Variants in JAK2 observed in about 807,000 individuals in gnomAD.
JAK2 encodes tyrosine-protein kinase JAK2.
Under a neutral mutation model 139.3 loss-of-function variants are expected in JAK2, and 86 were observed. That is an observed-to-expected ratio of 0.62 (90% CI 0.52 to 0.74). The LOEUF (loss-of-function observed/expected upper bound fraction) is 0.74. Among genes scored for constraint, JAK2 ranks in the 30% least tolerant of loss-of-function variants. The pLI, the probability that JAK2 is intolerant of heterozygous loss-of-function variation, is 0.00. For missense variants in JAK2, 1,421 were observed against 1,360.3 expected (o/e 1.04, Z -0.70); for synonymous variants, 490 against 437.7 (o/e 1.12, Z -1.49).
chr9:5,032,855 G>C (rs2130185710), intron 4 of JAK2, among the ~76,000 whole-genome samples: 1 of 152,286 alleles, frequency 6.6e-6, no homozygotes, highest in Admixed American at 6.5e-5. Context: ...TCCTCCAAAG[G>C]AACGCAGCTC....
At chr9:4,994,640 A>G (rs1485806953) in intron 2 of JAK2, among the ~76,000 whole-genome samples, 1 of 152,242 alleles carries the variant, frequency 6.6e-6, no homozygotes, top group Non-Finnish European at 1.5e-5. Context: ...TATAGACAAT[A>G]CGTAAATGAA....
chr9:5,094,098 A>G (rs1222500592), intron 22 of JAK2: 4 of 152,168 alleles, frequency 2.6e-5, no homozygotes, highest in Non-Finnish European at 1.5e-5. Context: ...CTTCTTAACA[A>G]TATGCCTATA....
intron 4 of JAK2, 69 bp from the exon 5 acceptor site, chr9:5,044,334 C>A (rs1298311047): frequency 5.5e-6 from 5 of 906,980 alleles, no homozygotes; most frequent in Non-Finnish European, 9.1e-6. Flanking sequence ...CTGTAGGTGA[C>A]TATATATAGA....
Position 5,055,687 on chromosome 9 carries a change from G to A in JAK2, c.955G>A (p.Asp319Asn), listed in dbSNP as rs1338813094. Residue 319 changes from aspartate to asparagine, a missense_variant, in exon 8 of 25, where the codon GAT (aspartate) becomes AAT (asparagine). Asp to Asn is a conservative substitution (Grantham distance 23). Transcript: ENST00000381652. ...LTEQDLQLYC[D>N]FPNIIDVSIK... is the part of the protein sequence containing the mutation. ...ATTATAGGATTTACAGTTATATTGC[G>A]ATTTTCCTAATATTATTGATGTCAG... The A allele has an allele frequency of 3.2e-6, 5 of 1,578,330 alleles. No homozygotes were observed. The highest frequency in any genetic ancestry group is 4.3e-6 in the Non-Finnish European group (5 of 1,150,550).
chr9:5,041,643 G>T, intron 4 of JAK2: 10 of 504,212 alleles, frequency 2.0e-5, no homozygotes, highest in South Asian at 1.5e-4. Context: ...TGAGAAGCTC[G>T]ACTACGACTA....
intron 4 of JAK2, chr9:5,041,955 C>T: frequency 2.7e-6 from 1 of 376,894 alleles, no homozygotes; most frequent in Non-Finnish European, 5.1e-6. Flanking sequence ...TGAATCTTCT[C>T]CGTGCGGCCC....
At chr9:4,999,423 A>C (rs894790008) in intron 2 of JAK2, among the ~76,000 whole-genome samples, 6 of 152,372 alleles carry the variant, frequency 3.9e-5, no homozygotes, top group African/African-American at 1.4e-4. Flanking sequence ...GAATAAAAAC[A>C]GTCATTTAAA....
At position 5,080,694 on chromosome 9, in the gene JAK2, G is replaced by A. The variant is rs1001871108; in HGVS notation, c.2434+11G>A. 1 of 1,531,574 alleles carries A rather than the reference G, an allele frequency of 6.5e-7. No individual in the cohort carries two copies. Among genetic ancestry groups the A allele is most frequent in the Non-Finnish European group, 8.7e-7 (1 of 1,144,544 alleles). 94.9% of individuals were successfully genotyped at this position (1,531,574 alleles called of 1,614,324 possible). Reference sequence around the variant, plus strand: ...GTTTGTTTACTCCAGGTATGTATTTGAATGATCTTATTGATTTTCCAGCTT... The same window carrying A: ...GTTTGTTTACTCCAGGTATGTATTTAAATGATCTTATTGATTTTCCAGCTT... On this transcript the variant is annotated intron_variant, in intron 18 of 24. Transcript: ENST00000381652.
At chr9:5,013,111 G>A (rs978884794) in intron 2 of JAK2, among the ~76,000 whole-genome samples, 6 of 152,190 alleles carry the variant, frequency 3.9e-5, no homozygotes, top group Admixed American at 3.9e-4. Context: ...TTATCTCAAA[G>A]TATGAAAGCT....
intron 22 of JAK2, among the ~76,000 whole-genome samples, chr9:5,115,865 T>A (rs966236412): frequency 3.9e-5 from 6 of 152,034 alleles, no homozygotes; most frequent in Non-Finnish European, 8.8e-5. Flanking sequence ...AATGACAACA[T>A]ATGGACACAG....
chr9:5,035,725 G>A (rs1218579584), intron 4 of JAK2, among the ~76,000 whole-genome samples: 3 of 152,092 alleles, frequency 2.0e-5, no homozygotes, highest in African/African-American at 7.2e-5. Context: ...TTGATGGGAC[G>A]TGTCTCAAAA....
At chr9:4,989,201 T>C (rs1172258057) in intron 2 of JAK2, among the ~76,000 whole-genome samples, 1 of 152,232 alleles carries the variant, frequency 6.6e-6, no homozygotes, top group Non-Finnish European at 1.5e-5. Context: ...TAAGGATCTC[T>C]AGTCCTTAAG....
intron 22 of JAK2, chr9:5,111,198 G>C (rs539800657): frequency 1.6e-6 from 1 of 642,180 alleles, no homozygotes; most frequent in Non-Finnish European, 2.8e-6. Context: ...TCCTGGGACC[G>C]GGACTCGGAG....
At position 5,069,172 on chromosome 9, in the gene JAK2, T is replaced by A. The variant is rs776678096; in HGVS notation, c.1477T>A (p.Phe493Ile). The part of the protein sequence containing the change: ...METVRSDNII[F>I]QFTKCCPPKP... ...AACTGTTCGCTCAGACAATATAATTTTCCAGTTTACTAAATGCTGTCCCCC... is the reference window on the plus strand; with the variant it reads ...AACTGTTCGCTCAGACAATATAATTATCCAGTTTACTAAATGCTGTCCCCC... The change falls in exon 11 of 25, where the codon TTC becomes ATC. Residue 493 changes from phenylalanine (F) to isoleucine (I), a missense_variant. Physicochemically the swap from Phe to Ile is conservative, Grantham distance 21. Coordinates refer to ENST00000381652, the MANE Select transcript of JAK2 (RefSeq NM_004972.4). 2.5e-6 allele frequency: 4 copies of A among 1,609,550 alleles called. No individual in the cohort carries two copies. In the African/African-American group the frequency reaches 5.4e-5, roughly 22 times the overall value.
At chr9:5,112,004 GCA>G in intron 22 of JAK2, 1 of 382,408 alleles carries the variant, frequency 2.6e-6, no homozygotes, top group South Asian at 2.0e-5. Context: ...GAGGGACGTC[GCA>G]CTAGCCTGGA....
chr9:5,000,006 T>G (rs545635552), intron 2 of JAK2, among the ~76,000 whole-genome samples: 4 of 152,306 alleles, frequency 2.6e-5, no homozygotes, highest in African/African-American at 9.6e-5. Context: ...AAACAATATC[T>G]CATTTTTATG....
chr9:5,089,752 C>A lies in JAK2; in HGVS notation c.2650C>A (p.Leu884Ile). The A allele has an allele frequency of 6.3e-7, 1 of 1,586,970 alleles. No homozygotes were observed. Among genetic ancestry groups the A allele is most frequent in the Non-Finnish European group, 8.6e-7 (1 of 1,166,806 alleles). Residue 884 changes from leucine (L) to isoleucine (I), a missense_variant, in exon 20 of 25, where the codon CTT becomes ATT. Coordinates refer to ENST00000381652, the MANE Select transcript of JAK2 (RefSeq NM_004972.4). ...TGGGGAGGTGGTCGCTGTAAAAAAGCTTCAGCATAGTACTGAAGAGCACCT... is the reference window on the plus strand; with the variant it reads ...TGGGGAGGTGGTCGCTGTAAAAAAGATTCAGCATAGTACTGAAGAGCACCT... The part of the protein sequence containing the change: ...NTGEVVAVKK[L>I]QHSTEEHLRD...
At chr9:5,047,413 T>C (rs552689479) in intron 5 of JAK2, among the ~76,000 whole-genome samples, 1 of 152,344 alleles carries the variant, frequency 6.6e-6, no homozygotes, top group African/African-American at 2.4e-5. Flanking sequence ...CAGTTTCCTC[T>C]GGGAATTAAT....
At position 5,127,401 on chromosome 9, in the gene JAK2, T is replaced by A. The variant is rs1824070227; in HGVS notation, c.*610T>A. 1 of 231,818 alleles carries A rather than the reference T, an allele frequency of 4.3e-6. No individual in the cohort carries two copies. Among genetic ancestry groups the A allele is most frequent in the African/African-American group, 2.2e-5 (1 of 45,272 alleles). 14.4% of individuals were successfully genotyped at this position (231,818 alleles called of 1,614,324 possible). A position where few individuals can be genotyped will look rare whatever the true frequency, so the allele number is the denominator to read the frequency against. Reference sequence around the variant, plus strand: ...TATACTTTTAGCTTGTAGTTCCATGTACTGTAAATATTTTTCACATAAAGG... The same window carrying A: ...TATACTTTTAGCTTGTAGTTCCATGAACTGTAAATATTTTTCACATAAAGG... On this transcript the variant is annotated 3_prime_UTR_variant, in exon 25 of 25. Transcript: ENST00000381652.
Sources: allele counts gnomAD v4.1 joint callset (sites outside exome capture counted in the v4.1 genomes callset), GRCh38; gene constraint gnomAD v4.1.1; transcripts MANE v1.5; gene names NCBI Gene and HGNC (gene_info 2026-07-23, HGNC 2026-07-21).